MTOR: variants seen among roughly 807,000 people sequenced by gnomAD.
The protein encoded by MTOR is mechanistic target of rapamycin kinase.
Under a neutral mutation model 319.8 loss-of-function variants are expected in MTOR, and 70 were observed. The observed-to-expected ratio is 0.22, with a 90% CI of 0.18 to 0.27. The LOEUF (loss-of-function observed/expected upper bound fraction) is 0.27, where lower values mean the gene tolerates loss of function less well. Among genes scored for constraint, MTOR ranks in the 10% least tolerant of loss-of-function variants. The pLI, the probability that MTOR is intolerant of heterozygous loss-of-function variation, is 1.00. For synonymous variants in MTOR, 1,183 were observed against 1,211.4 expected, an observed-to-expected ratio of 0.98 and a Z score of 0.49; for missense variants, 1,890 against 3,274.4, an observed-to-expected ratio of 0.58 and a Z score of 10.32.
At chr1:11,238,299 T>C (rs1413970294) in intron 12 of MTOR, 103 bp downstream of exon 12, 3 of 1,269,148 alleles carry the variant, frequency 2.4e-6, no homozygotes, top group East Asian at 2.4e-5. Context: ...TATCAGCTTT[T>C]TGAGCCGAAG....
chr1:11,246,470 G>A (rs1648837816), intron 8 of MTOR, among the ~76,000 whole-genome samples: 1 of 152,180 alleles, frequency 6.6e-6, no homozygotes, highest in African/African-American at 2.4e-5. Flanking sequence ...AAATACGGGT[G>A]ATTTTCCTTC....
chr1:11,119,642 A>T (rs1033323073), intron 49 of MTOR, among the ~76,000 whole-genome samples: 2 of 145,620 alleles, frequency 1.4e-5, no homozygotes, highest in African/African-American at 5.1e-5. Flanking sequence ...GGTACTCTGG[A>T]GGCTGAGGCA....
intron 28 of MTOR, among the ~76,000 whole-genome samples, chr1:11,182,289 T>C (rs912093999): frequency 7.2e-5 from 11 of 151,900 alleles, no homozygotes; most frequent in African/African-American, 2.4e-4. Context: ...ACAGAGTGCT[T>C]AGAGAAAAAC....
chr1:11,171,183 A>G (rs915035450), intron 28 of MTOR, among the ~76,000 whole-genome samples: 39 of 150,626 alleles, frequency 2.6e-4, no homozygotes, highest in Admixed American at 1.6e-3. Context: ...CGACAGAGCT[A>G]GACTCTATCT....
intron 30 of MTOR, 37 bp downstream of exon 30, chr1:11,157,115 C>G (rs1400697035): frequency 2.6e-6 from 4 of 1,557,176 alleles, no homozygotes; most frequent in African/African-American, 1.4e-5. Context: ...GACGAAGTCT[C>G]TTGCAGCCAC....
intron 3 of MTOR, among the ~76,000 whole-genome samples, chr1:11,257,547 AGT>A (rs1325715296): frequency 7.4e-6 from 1 of 135,680 alleles, no homozygotes; most frequent in Non-Finnish European, 1.6e-5. Context: ...TGGGCGACAG[AGT>A]GAGACTCTGT....
At chr1:11,141,724 T>C (rs1334747453) in intron 34 of MTOR, among the ~76,000 whole-genome samples, 1 of 147,848 alleles carries the variant, frequency 6.8e-6, no homozygotes, top group Non-Finnish European at 1.5e-5. Flanking sequence ...CGGTGGCTCA[T>C]GCCTGTAATC....
In MTOR at chr1:11,127,067, G is replaced by C. The variant is rs757060129; in HGVS notation, c.6294C>G (p.Thr2098=). The change falls in exon 45 of 58, where the codon ACC becomes ACG. Residue 2098 remains threonine, a synonymous_variant. Coordinates refer to ENST00000361445, the MANE Select transcript of MTOR (RefSeq NM_004958.4). This position sits in a 1 kb window ranked among gnomAD's most constrained non-coding sequence, Gnocchi z 5.5. The part of the protein sequence containing the change: ...YMKSGNVKDL[T]QAWDLYYHVF... ...CATGATAATAGAGGTCCCAGGCTTG[G>C]GTGAGGTCCTTGACATTCCCTGATT... 2 of 1,614,144 alleles carry C rather than the reference G, an allele frequency of 1.2e-6. No individual in the cohort carries two copies. The highest frequency in any genetic ancestry group is 2.2e-5 in the East Asian group (1 of 44,882).
chr1:11,110,659 G>A (rs938561394), intron 54 of MTOR, among the ~76,000 whole-genome samples: 2 of 152,124 alleles, frequency 1.3e-5, no homozygotes, highest in African/African-American at 2.4e-5. Flanking sequence ...GCCTCCCAAA[G>A]TACTGGGATT....
At chr1:11,254,146 T>C (rs1333925473) in intron 5 of MTOR, among the ~76,000 whole-genome samples, 173 bp from the exon 6 acceptor site, 2 of 147,252 alleles carry the variant, frequency 1.4e-5, no homozygotes, top group African/African-American at 4.9e-5. Context: ...TCAGCTTCAA[T>C]TTTTTTTTTT....
intron 13 of MTOR, among the ~76,000 whole-genome samples, chr1:11,237,158 G>C (rs752664079): frequency 1.3e-5 from 2 of 152,150 alleles, no homozygotes; most frequent in South Asian, 2.1e-4. Context: ...GAGCAACATA[G>C]AGACCCACAA....
intron 31 of MTOR, among the ~76,000 whole-genome samples, chr1:11,148,713 A>T (rs1322695091): frequency 6.6e-6 from 1 of 152,042 alleles, no homozygotes; most frequent in East Asian, 1.9e-4. Flanking sequence ...CAGCCTGGCC[A>T]ACATGGTGAA....
At chr1:11,122,203 T>C in intron 47 of MTOR, 77 bp from the exon 48 acceptor site, 2 of 1,513,878 alleles carry the variant, frequency 1.3e-6, no homozygotes, top group Non-Finnish European at 1.8e-6. Flanking sequence ...ACAGGCAGAC[T>C]GTTTTTTTTT....
rs2100794883 is a variant in MTOR at position 11,212,864 on chromosome 1, G to A, written c.3330C>T (p.Tyr1110=). The part of the protein sequence containing the change: ...IQLFGANLDD[Y]LHLLLPPIVK... ...CAATAGGAGGCAGCAGTAAATGCAG[G>A]TAGTCATCCAGGTTGGCGCCAAACA... is the stretch of plus-strand genomic sequence containing the variant. The change falls in exon 22 of 58, where the codon TAC becomes TAT. Residue 1110 remains tyrosine (Y), a synonymous_variant. Transcript: ENST00000361445. This position sits in a 1 kb window ranked among gnomAD's most constrained non-coding sequence, Gnocchi z 4.1. The A allele has an allele frequency of 6.2e-7, 1 of 1,614,156 alleles. No homozygotes were observed. Among genetic ancestry groups the A allele is most frequent in the Non-Finnish European group, 8.5e-7 (1 of 1,180,006 alleles).
intron 8 of MTOR, among the ~76,000 whole-genome samples, chr1:11,244,841 C>T (rs1648609841): frequency 6.6e-6 from 1 of 152,150 alleles, no homozygotes. Flanking sequence ...ACATGCTGTA[C>T]AAGTTGTAGC....
intron 17 of MTOR, 115 bp from the exon 18 acceptor site, chr1:11,231,169 C>A: frequency 6.3e-7 from 1 of 1,584,354 alleles, no homozygotes; most frequent in South Asian, 1.1e-5. Flanking sequence ...AAATGACCAG[C>A]TACATGAACA....
chr1:11,239,054 G>T (rs906025333), intron 11 of MTOR, among the ~76,000 whole-genome samples: 1 of 151,950 alleles, frequency 6.6e-6, no homozygotes, highest in African/African-American at 2.4e-5. Flanking sequence ...GATTATAGGC[G>T]TAAGCCACCG....
intron 36 of MTOR, among the ~76,000 whole-genome samples, chr1:11,137,422 A>G (rs1445406542): frequency 1.3e-5 from 2 of 152,184 alleles, no homozygotes; most frequent in Non-Finnish European, 2.9e-5. Flanking sequence ...TTTGGATTTG[A>G]AGCCCAATAT....
At chr1:11,204,761 GTCC>G in intron 25 of MTOR, 58 bp from the exon 26 acceptor site, 1 of 1,552,198 alleles carries the variant, frequency 6.4e-7, no homozygotes, top group Non-Finnish European at 8.8e-7. Context: ...ATTGAAAAAA[GTCC>G]TCATCTATTT....
Sources: allele counts gnomAD v4.1 joint callset (sites outside exome capture counted in the v4.1 genomes callset), GRCh38; gene constraint gnomAD v4.1.1; non-coding constraint Gnocchi (gnomAD v3.1); transcripts MANE v1.5; gene names NCBI Gene and HGNC (gene_info 2026-07-23, HGNC 2026-07-21).